Variants in TUT4 observed in about 807,000 individuals in gnomAD.
The protein encoded by TUT4 is terminal uridylyltransferase 4.
A neutral mutation model predicts 192.2 loss-of-function variants in TUT4; 36 were observed. The ratio of observed to expected loss-of-function variants is 0.19; its 90% CI spans 0.14 to 0.25. The LOEUF (loss-of-function observed/expected upper bound fraction) is 0.25, where lower values mean the gene tolerates loss of function less well. Among genes scored for constraint, TUT4 ranks in the 10% least tolerant of loss-of-function variants. The pLI is 1.00. For synonymous variants in TUT4, 618 were observed against 666.0 expected, an observed-to-expected ratio of 0.93 and a Z score of 1.11; for missense variants, 1,493 against 1,957.2, an observed-to-expected ratio of 0.76 and a Z score of 4.47.
intron 15 of TUT4, 117 bp downstream of exon 15, chr1:52,468,064 C>G (rs1048881941): frequency 2.7e-6 from 2 of 731,804 alleles, no homozygotes; most frequent in Non-Finnish European, 4.3e-6. Flanking sequence ...GCACTGTATT[C>G]CCAGCAACTA....
Position 52,425,439 on chromosome 1 carries a change from C to G in TUT4, c.4780G>C (p.Val1594Leu). 4 of 1,613,880 alleles carry G rather than the reference C, an allele frequency of 2.5e-6. No individual in the cohort carries two copies. The highest frequency in any genetic ancestry group is 3.4e-6 in the Non-Finnish European group (4 of 1,179,890). ...AAACCATAAGGCCACGAAGCTGGGACAAGGGGGAAATGGGGACGCGGTGCA... is the reference window on the plus strand; with the variant it reads ...AAACCATAAGGCCACGAAGCTGGGAGAAGGGGGAAATGGGGACGCGGTGCA... Reference protein sequence around the residue: ...EHAPRPHFPLVPASWPYGLHQ... With the variant: ...EHAPRPHFPLLPASWPYGLHQ... The change falls in exon 29 of 30, where the codon GTC (valine) becomes CTC (leucine). Residue 1594 changes from valine to leucine, a missense_variant. Val to Leu is a conservative substitution (Grantham distance 32, BLOSUM62 1). Around this residue, in one of 7 missense-constraint regions of TUT4, gnomAD observed 351 missense variants for 397.8 expected, o/e 0.88. Coordinates refer to ENST00000257177, the MANE Select transcript of TUT4 (RefSeq NM_001009881.3).
At chr1:52,531,215 CAAGAAA>C (rs1683301528) in intron 1 of TUT4, among the ~76,000 whole-genome samples, 1 of 150,756 alleles carries the variant, frequency 6.6e-6, no homozygotes, top group Non-Finnish European at 1.5e-5. Flanking sequence ...TAATAATTAT[CAAGAAA>C]AAGTACTTTT....
At chr1:52,523,564 A>G (rs1032565421) in intron 2 of TUT4, among the ~76,000 whole-genome samples, 3 of 152,058 alleles carry the variant, frequency 2.0e-5, no homozygotes, top group South Asian at 2.1e-4. Flanking sequence ...ACTGCACTCC[A>G]GCCGGGGTGA....
At chr1:52,496,788 T>A (rs1462330254) in intron 5 of TUT4, among the ~76,000 whole-genome samples, 3 of 151,670 alleles carry the variant, frequency 2.0e-5, no homozygotes, top group Non-Finnish European at 4.4e-5. Flanking sequence ...ATCTGGCATT[T>A]TTAAAATCTT....
chr1:52,519,539 C>T (rs1180622471), intron 2 of TUT4, among the ~76,000 whole-genome samples: 4 of 149,282 alleles, frequency 2.7e-5, no homozygotes, highest in East Asian at 1.9e-4. Flanking sequence ...GACGGAGTTT[C>T]GCTCTTGTTG....
chr1:52,524,438 G>A (rs1186638190), intron 2 of TUT4, among the ~76,000 whole-genome samples: 1 of 152,000 alleles, frequency 6.6e-6, no homozygotes, highest in Non-Finnish European at 1.5e-5. Context: ...GCAGGAGAAT[G>A]GCGTGAACCC....
chr1:52,449,618 T>C (rs777073462), intron 20 of TUT4, among the ~76,000 whole-genome samples: 55 of 152,286 alleles, frequency 3.6e-4, no homozygotes, highest in Non-Finnish European at 5.3e-4. Context: ...AATTTTTTAG[T>C]TGTGGTAAGA....
intron 29 of TUT4, chr1:52,424,923 A>G (rs1200663903): frequency 1.3e-5 from 2 of 154,230 alleles, no homozygotes; most frequent in East Asian, 1.9e-4. Context: ...ACTCTTTTTC[A>G]TTATGCCAGG....
rs760005573 is a variant in TUT4, at chr1:52,474,941, G to C, written c.2618C>G (p.Ser873Cys). Reference protein sequence around the residue: ...QSVCTDTSATSCNCKATEDAS... With the variant: ...QSVCTDTSATCCNCKATEDAS... The stretch of plus-strand genomic sequence containing the variant: ...ATCTTCTGTAGCTTTGCAGTTGCAA[G>C]AGGTAGCAGATGTGTCGGTGCACAC... Residue 873 changes from serine (S) to cysteine (C), a missense_variant, in exon 13 of 30, where the codon TCT becomes TGT. Coordinates refer to ENST00000257177, the MANE Select transcript of TUT4 (RefSeq NM_001009881.3). The C allele has an allele frequency of 6.2e-7, 1 of 1,614,048 alleles. No homozygotes were observed. Among genetic ancestry groups the C allele is most frequent in the Admixed American group, 1.7e-5 (1 of 60,012 alleles).
chr1:52,436,442 C>T (rs765708267), intron 26 of TUT4, among the ~76,000 whole-genome samples: 32 of 151,838 alleles, frequency 2.1e-4, no homozygotes, highest in Non-Finnish European at 3.5e-4. Flanking sequence ...GCCGAGATCG[C>T]GCCACTGTAC....
intron 16 of TUT4, chr1:52,463,777 C>G: frequency 7.7e-7 from 1 of 1,304,160 alleles, no homozygotes; most frequent in Non-Finnish European, 1.0e-6. Flanking sequence ...ACTATTAAGG[C>G]CTGGTATACA....
chr1:52,540,527 AG>A (rs201750764), intron 1 of TUT4, among the ~76,000 whole-genome samples: 9,963 of 145,990 alleles, frequency 0.068, 452 homozygotes, highest in African/African-American at 0.13. Context: ...AAAAAAAAAA[AG>A]AAAGAAAGAA....
chr1:52,426,975 T>C (rs1650182841), intron 28 of TUT4, among the ~76,000 whole-genome samples: 1 of 152,182 alleles, frequency 6.6e-6, no homozygotes, highest in Non-Finnish European at 1.5e-5. Flanking sequence ...TAACTGTAGC[T>C]TTAATAACAA....
chr1:52,478,018 G>A (rs1030767975), intron 11 of TUT4, 136 bp from the exon 12 acceptor site: 3 of 759,304 alleles, frequency 4.0e-6, no homozygotes, highest in Non-Finnish European at 6.2e-6. Flanking sequence ...AAAGCAGTCA[G>A]TTTGAAGCAA....
chr1:52,494,579 C>T (rs1671999472), intron 6 of TUT4, among the ~76,000 whole-genome samples: 1 of 152,132 alleles, frequency 6.6e-6, no homozygotes, highest in Admixed American at 6.5e-5. Context: ...GTAATCCCAG[C>T]TACTCAGGAG....
At chr1:52,432,838 C>T (rs1652513741) in intron 27 of TUT4, 1 of 152,188 alleles carries the variant, frequency 6.6e-6, no homozygotes, top group African/African-American at 2.4e-5. Context: ...GGAGAATCAC[C>T]CGAGCCTGGG....
chr1:52,551,999 T>C (rs1689573837), intron 1 of TUT4, among the ~76,000 whole-genome samples: 2 of 152,174 alleles, frequency 1.3e-5, no homozygotes, highest in African/African-American at 4.8e-5. Flanking sequence ...CTGGACACAA[T>C]TTAAGATCAC....
At chr1:52,502,946 T>C (rs1003593553) in intron 4 of TUT4, among the ~76,000 whole-genome samples, 5 of 152,086 alleles carry the variant, frequency 3.3e-5, no homozygotes, top group South Asian at 2.1e-4. Context: ...ACTCTTCGCC[T>C]CTACACTAAC....
chr1:52,436,936 CTCT>C lies in TUT4; in HGVS notation c.3978_3980del (p.Glu1327del), dbSNP rs557641096. On this transcript the variant is annotated inframe_deletion, in exon 26 of 30. Transcript: ENST00000257177. ...CTTTCTCTTCTTCATTCCCTTCCTT[CTCT>C]TCTTCACTGTCTTTCTTCTTTAGTC... The C allele has an allele frequency of 9.5e-5, 153 of 1,614,014 alleles. 1 individual carries two copies. In the South Asian group the frequency reaches 1.7e-3, roughly 17 times the overall value.
Sources: allele counts gnomAD v4.1 joint callset (sites outside exome capture counted in the v4.1 genomes callset), GRCh38; gene constraint gnomAD v4.1.1; regional missense constraint gnomAD v4.1.1; transcripts MANE v1.5; gene names NCBI Gene and HGNC (gene_info 2026-07-23, HGNC 2026-07-21).